The following PPP4R1 variants were observed in gnomAD, a reference collection of about 807,000 sequenced individuals.
The protein encoded by PPP4R1 is protein phosphatase 4 regulatory subunit 1.
PPP4R1 carries 42 observed loss-of-function variants against 111.2 expected under a neutral mutation model. The ratio of observed to expected loss-of-function variants is 0.38; its 90% confidence interval spans 0.29 to 0.49. The LOEUF (loss-of-function observed/expected upper bound fraction) is 0.49. Ranked by LOEUF, PPP4R1 falls within the 20% of genes least tolerant of loss-of-function variation. The pLI is 0.97. For missense variants in PPP4R1, 1,012 were observed against 1,161.6 expected (o/e 0.87, Z 1.87); for synonymous variants, 409 against 405.5 (o/e 1.01, Z -0.10).
chr18:9,609,385 C>A (rs78065473), intron 2 of PPP4R1, among the ~76,000 whole-genome samples: 3 of 145,062 alleles, frequency 2.1e-5, no homozygotes, highest in Admixed American at 6.8e-5. Flanking sequence ...CACCTCCCAC[C>A]GGAAGCAAGG....
rs188174961 is a variant in PPP4R1, at chr18:9,600,177, A to G, written c.53-5024T>C. On this transcript the variant is annotated intron_variant, in intron 2 of 19. Coordinates refer to ENST00000400556, the MANE Select transcript of PPP4R1 (RefSeq NM_001042388.3). ...CACTCTGGTACAGACACTGGTGACA[A>G]ATGTTCACTTCTATTTCCCAAAAAA... is the stretch of plus-strand genomic sequence containing the variant. 1.4e-3 allele frequency among the ~76,000 whole-genome samples: 200 copies of G among 145,692 alleles called. 4 individuals carry two copies. The East Asian group carries it at 0.031, about 22-fold the overall frequency.
At chr18:9,549,855 G>A in intron 18 of PPP4R1, 197 bp downstream of exon 18, 1 of 727,240 alleles carries the variant, frequency 1.4e-6, no homozygotes, top group South Asian at 1.9e-5. Flanking sequence ...GCCAGTGTAA[G>A]GAGGGGCTTG....
At chr18:9,598,809 G>C (rs969169698) in intron 2 of PPP4R1, among the ~76,000 whole-genome samples, 1 of 152,122 alleles carries the variant, frequency 6.6e-6, no homozygotes, top group African/African-American at 2.4e-5. Flanking sequence ...TGGATCACTT[G>C]AGCTCAGGAG....
chr18:9,582,322 T>G (rs534293162), intron 9 of PPP4R1, among the ~76,000 whole-genome samples: 1 of 151,602 alleles, frequency 6.6e-6, no homozygotes, highest in South Asian at 2.1e-4. Flanking sequence ...AGACTCAAAT[T>G]ACTCAAATAG....
intron 11 of PPP4R1, among the ~76,000 whole-genome samples, chr18:9,569,235 G>A (rs2066820299): frequency 6.6e-6 from 1 of 151,342 alleles, no homozygotes; most frequent in African/African-American, 2.4e-5. Context: ...CATTGAAGTT[G>A]GATAAACTTA....
Position 9,583,244 on chromosome 18 carries a change from T to C in PPP4R1, c.791A>G (p.Asn264Ser), listed in dbSNP as rs1240028428. ...LPRFFQLCSD[N>S]VWGVRKACAE... ...ACAAGCCTTTCGGACTCCCCATACATTATCAGAACAAAGCTGGAAAAATCT... is the reference window on the plus strand; with the variant it reads ...ACAAGCCTTTCGGACTCCCCATACACTATCAGAACAAAGCTGGAAAAATCT... Residue 264 changes from asparagine (N) to serine (S), a missense_variant, in exon 9 of 20, where the codon AAT becomes AGT. Coordinates refer to ENST00000400556, the MANE Select transcript of PPP4R1 (RefSeq NM_001042388.3). The C allele has an allele frequency of 2.5e-6, 4 of 1,594,524 alleles. No individual in the cohort carries two copies. Among genetic ancestry groups the C allele is most frequent in the Non-Finnish European group, 3.4e-6 (4 of 1,167,764 alleles).
At chr18:9,560,117 A>G (rs1452941697) in intron 13 of PPP4R1, among the ~76,000 whole-genome samples, 4 of 151,974 alleles carry the variant, frequency 2.6e-5, no homozygotes. Flanking sequence ...CCGTCTCTAC[A>G]AAAAATTAAA....
intron 2 of PPP4R1, among the ~76,000 whole-genome samples, chr18:9,596,286 G>C (rs968474608): frequency 3.3e-5 from 5 of 152,170 alleles, no homozygotes; most frequent in African/African-American, 9.7e-5. Flanking sequence ...GAAAGGATGC[G>C]ATCCAGAGGT....
chr18:9,593,652 G>C lies in PPP4R1; in HGVS notation c.295+116C>G, dbSNP rs1447961925. ...CACTGATGGGTTTGATAATTACTTA[G>C]GAAATATTTTAAAGCTATCTCATAT... On this transcript the variant is annotated intron_variant, in intron 4 of 19. Transcript: ENST00000400556. 7 of 908,132 alleles carry C rather than the reference G, an allele frequency of 7.7e-6. No homozygotes were observed. In the Admixed American group the frequency reaches 1.4e-4, roughly 18 times the overall value. The allele number at this position is 908,132 out of a possible 1,614,324, so 56.3% of individuals were successfully genotyped here.
chr18:9,566,503 T>A (rs978572136), intron 11 of PPP4R1, among the ~76,000 whole-genome samples: 1 of 151,738 alleles, frequency 6.6e-6, no homozygotes, highest in African/African-American at 2.4e-5. Flanking sequence ...CAAAAAAAAC[T>A]AGCCAGGCAT....
intron 2 of PPP4R1, among the ~76,000 whole-genome samples, chr18:9,602,251 G>T (rs1199184051): frequency 6.6e-6 from 1 of 151,660 alleles, no homozygotes; most frequent in African/African-American, 2.4e-5. Context: ...AAAAGTTGTG[G>T]CCAGGCGCGG....
intron 10 of PPP4R1, among the ~76,000 whole-genome samples, chr18:9,576,256 A>G (rs1228150640): frequency 3.3e-5 from 5 of 152,192 alleles, no homozygotes; most frequent in Admixed American, 3.3e-4. Flanking sequence ...GGGAAAAGAC[A>G]CTATGGTAAC....
At chr18:9,599,412 G>GA (rs2067343894) in intron 2 of PPP4R1, among the ~76,000 whole-genome samples, 2 of 152,122 alleles carry the variant, frequency 1.3e-5, no homozygotes, top group African/African-American at 4.8e-5. Flanking sequence ...AAAGAAGGCA[G>GA]AAAAAGAGAA....
intron 18 of PPP4R1, chr18:9,549,826 T>G: frequency 1.6e-6 from 1 of 609,848 alleles, no homozygotes; most frequent in Admixed American, 3.0e-5. Context: ...AGCAGGCACG[T>G]GGGGTGTGTG....
chr18:9,581,563 A>C (rs930859116), intron 9 of PPP4R1, among the ~76,000 whole-genome samples: 2 of 152,180 alleles, frequency 1.3e-5, no homozygotes, highest in African/African-American at 4.8e-5. Flanking sequence ...AAAAATGAAA[A>C]GGGCCTCAAA....
intron 2 of PPP4R1, among the ~76,000 whole-genome samples, chr18:9,610,439 C>CAT (rs1463828248): frequency 6.6e-6 from 1 of 152,092 alleles, no homozygotes; most frequent in Non-Finnish European, 1.5e-5. Flanking sequence ...AACTTAAATA[C>CAT]ATATGGTTTT....
At chr18:9,557,624 C>A (rs990923499) in intron 14 of PPP4R1, among the ~76,000 whole-genome samples, 3 of 152,200 alleles carry the variant, frequency 2.0e-5, no homozygotes, top group Non-Finnish European at 4.4e-5. Context: ...GCTTAGCAAT[C>A]GTGAAGTTTT....
chr18:9,614,145 C>T lies in PPP4R1; in HGVS notation c.52+81G>A. The T allele has an allele frequency of 8.5e-7, 1 of 1,180,310 alleles. No individual in the cohort carries two copies. The highest frequency in any genetic ancestry group is 1.1e-6 in the Non-Finnish European group (1 of 933,048). The allele number at this position is 1,180,310 out of a possible 1,614,324, so 73.1% of individuals were successfully genotyped here. A position where few individuals can be genotyped will look rare whatever the true frequency, so the allele number is the denominator to read the frequency against. ...CACCGTCCCCTCAGCCAGCCAGGGC[C>T]CGGCCCAGGCCTCGCCGCCGCCCGC... is the stretch of plus-strand genomic sequence containing the variant. On this transcript the variant is annotated intron_variant, in intron 2 of 19. Coordinates refer to ENST00000400556, the MANE Select transcript of PPP4R1 (RefSeq NM_001042388.3). This position sits in a 1 kb window ranked among gnomAD's most constrained non-coding sequence, Gnocchi z 4.1.
chr18:9,582,438 G>A (rs1219753882), intron 9 of PPP4R1, among the ~76,000 whole-genome samples: 3 of 151,986 alleles, frequency 2.0e-5, no homozygotes, highest in African/African-American at 7.3e-5. Flanking sequence ...TAGATGAAAT[G>A]TACAAATTCC....
Sources: gnomAD v4.1 joint callset for allele counts (sites outside exome capture counted in the v4.1 genomes callset) on GRCh38, gnomAD v4.1.1 for gene constraint, Gnocchi (gnomAD v3.1) non-coding constraint, MANE v1.5 for transcripts, NCBI Gene and HGNC (gene_info 2026-07-23, HGNC 2026-07-21) for gene names.